Variants in NRXN2 observed in about 807,000 individuals in gnomAD.
NRXN2 encodes the protein neurexin 2, also known as neurexin-2-beta.
Under a neutral mutation model 128.8 loss-of-function variants are expected in NRXN2, and 29 were observed. The ratio of observed to expected loss-of-function variants is 0.23; its 90% confidence interval spans 0.17 to 0.31. The LOEUF (loss-of-function observed/expected upper bound fraction) is 0.31, where lower values mean the gene tolerates loss of function less well. Ranked by LOEUF, NRXN2 falls within the 10% of genes least tolerant of loss-of-function variation. The probability of loss-of-function intolerance (pLI) is 1.00; values close to 1 mark genes in which losing one functional copy is unlikely to be tolerated. For missense variants in NRXN2, 1,881 were observed against 2,452.6 expected, an observed-to-expected ratio of 0.77 and a Z score of 4.92; for synonymous variants, 1,098 against 1,075.2, an observed-to-expected ratio of 1.02 and a Z score of -0.41.
In NRXN2 at chr11:64,651,553, C is replaced by A; in HGVS notation, c.2620G>T (p.Val874Leu). ...IMTERRFISVVPSNFIGHLSG... is the reference protein window; with the variant it reads ...IMTERRFISVLPSNFIGHLSG... ...AGATGCCCGATGAAGTTGGAGGGCA[C>A]CACGGAGATAAACCGCCGCTCCGTC... The change falls in exon 14 of 23, where the codon GTG (valine) becomes TTG (leucine). Residue 874 changes from valine to leucine, a missense_variant. This residue lies in a region of NRXN2 where 390 missense variants were observed against 599.6 expected (regional missense o/e 0.65). Coordinates refer to ENST00000265459, the MANE Select transcript of NRXN2 (RefSeq NM_015080.4). The surrounding 1 kb of genome is among the most constrained non-coding windows in gnomAD (Gnocchi z 5.9). 1 of 1,614,146 alleles carries A rather than the reference C, an allele frequency of 6.2e-7. No individual in the cohort carries two copies.
chr11:64,701,186 A>G (rs967871900), intron 2 of NRXN2, among the ~76,000 whole-genome samples: 1 of 151,946 alleles, frequency 6.6e-6, no homozygotes, highest in Admixed American at 6.6e-5. Flanking sequence ...AAAGTGGTCC[A>G]CTCCAACCAT....
At chr11:64,643,564 A>AGAGGGAGAGAGGGAGAGAGG (rs2046135017) in intron 17 of NRXN2, 2 of 112,880 alleles carry the variant, frequency 1.8e-5, no homozygotes, top group Non-Finnish European at 3.7e-5. Context: ...AGGGAGGGAG[A>AGAGGGAGAGAGGGAGAGAGG]GAGGGAGAGA....
intron 2 of NRXN2, among the ~76,000 whole-genome samples, chr11:64,711,908 G>A (rs2056933775): frequency 6.6e-6 from 1 of 152,188 alleles, no homozygotes; most frequent in Admixed American, 6.5e-5. Context: ...CCTGGCCACA[G>A]CCTCGCAATC....
rs2044513782 is a variant in NRXN2, at chr11:64,635,151, G to A, written c.3585+120C>T. 2 of 1,131,110 alleles carry A rather than the reference G, an allele frequency of 1.8e-6. No individual in the cohort carries two copies. The highest frequency in any genetic ancestry group is 2.6e-6 in the Non-Finnish European group (2 of 757,974). The allele number at this position is 1,131,110 out of a possible 1,614,324, so 70.1% of individuals were successfully genotyped here. A position where few individuals can be genotyped will look rare whatever the true frequency, so the allele number is the denominator to read the frequency against. On this transcript the variant is annotated intron_variant, in intron 18 of 22. Transcript: ENST00000265459. This position sits in a 1 kb window ranked among gnomAD's most constrained non-coding sequence, Gnocchi z 4.8. Reference sequence around the variant, plus strand: ...AGGAAGCTCCAGCAATGAGGGAACAGAGGTTCTGAGGGTTCCCCATGAGGG... The same window carrying A: ...AGGAAGCTCCAGCAATGAGGGAACAAAGGTTCTGAGGGTTCCCCATGAGGG...
chr11:64,679,377 C>T (rs1208103830), intron 6 of NRXN2, among the ~76,000 whole-genome samples: 1 of 152,128 alleles, frequency 6.6e-6, no homozygotes, highest in Non-Finnish European at 1.5e-5. Context: ...GTGGGTCACA[C>T]CTGTAATCCC....
chr11:64,655,515 G>A (rs7931171), intron 11 of NRXN2, among the ~76,000 whole-genome samples: 1,806 of 152,134 alleles, frequency 0.012, 18 homozygotes, highest in Middle Eastern at 0.031. Context: ...GCTCTCTCGG[G>A]GCCAGCAGAG....
intron 3 of NRXN2, among the ~76,000 whole-genome samples, chr11:64,695,273 C>T (rs2135596028): frequency 6.6e-6 from 1 of 152,326 alleles, no homozygotes; most frequent in African/African-American, 2.4e-5. Flanking sequence ...TGATGGATGG[C>T]ATTGCCATGG....
chr11:64,698,907 A>G (rs1481406686), intron 2 of NRXN2, among the ~76,000 whole-genome samples: 2 of 152,238 alleles, frequency 1.3e-5, no homozygotes, highest in African/African-American at 4.8e-5. Context: ...ATGAAGCAAT[A>G]GGCAGGAGGG....
intron 7 of NRXN2, among the ~76,000 whole-genome samples, chr11:64,669,351 G>A (rs1237042837): frequency 2.0e-5 from 3 of 152,136 alleles, no homozygotes; most frequent in South Asian, 2.1e-4. Context: ...AAGGAGAGGG[G>A]AGCCCTTTAG....
intron 17 of NRXN2, among the ~76,000 whole-genome samples, chr11:64,638,614 C>T (rs1245563214): frequency 2.0e-5 from 3 of 152,226 alleles, no homozygotes; most frequent in African/African-American, 7.2e-5. Context: ...ACCTGACAGG[C>T]TCCAGAAAGG....
chr11:64,668,861 G>T (rs2050245464), intron 7 of NRXN2, among the ~76,000 whole-genome samples: 1 of 152,154 alleles, frequency 6.6e-6, no homozygotes, highest in Non-Finnish European at 1.5e-5. Flanking sequence ...GAGCCTGAAG[G>T]GTACTTGGAG....
intron 1 of NRXN2, among the ~76,000 whole-genome samples, chr11:64,719,559 C>T (rs781494125): frequency 1.3e-5 from 2 of 152,104 alleles, no homozygotes; most frequent in South Asian, 2.1e-4. Context: ...GCTGGTAGCT[C>T]GGGGTGCACA....
In NRXN2 at chr11:64,635,207, AG is replaced by A; in HGVS notation, c.3585+63del. ...TTGAGGTGCTGATCCCATGGCAATG[AG>A]GGGCTGAACTGATTTGGGAGCAGGA... On this transcript the variant is annotated intron_variant, in intron 18 of 22. Coordinates refer to ENST00000265459, the MANE Select transcript of NRXN2 (RefSeq NM_015080.4). The surrounding 1 kb of genome is among the most constrained non-coding windows in gnomAD (Gnocchi z 4.8). 1.3e-6 allele frequency: 2 copies of A among 1,577,872 alleles called. No individual in the cohort carries two copies. The highest frequency in any genetic ancestry group is 1.7e-6 in the Non-Finnish European group (2 of 1,150,076).
rs573545 is a variant in NRXN2, at chr11:64,667,876, C to T, written c.1360-188G>A. Among the ~76,000 whole-genome samples, 9,485 of 151,932 alleles carry T rather than the reference C, an allele frequency of 0.062. 1,006 individuals carry two copies. The highest frequency in any genetic ancestry group is 0.22 in the African/African-American group (8,961 of 41,210). On this transcript the variant is annotated intron_variant, in intron 8 of 22. Coordinates refer to ENST00000265459, the MANE Select transcript of NRXN2 (RefSeq NM_015080.4). This position sits in a 1 kb window ranked among gnomAD's most constrained non-coding sequence, Gnocchi z 5.6. ...CACAGAGGCTGTGAACAAGCACCTC[C>T]CTTGCCCGTCCTCTGTCCTGTCTTC...
intron 12 of NRXN2, among the ~76,000 whole-genome samples, chr11:64,652,464 G>A (rs2047607301): frequency 6.6e-6 from 1 of 152,114 alleles, no homozygotes; most frequent in South Asian, 2.1e-4. Flanking sequence ...AGTGAATGGT[G>A]CCTCTGGAGT....
At chr11:64,695,049 C>T (rs1206440527) in intron 3 of NRXN2, among the ~76,000 whole-genome samples, 1 of 152,222 alleles carries the variant, frequency 6.6e-6, no homozygotes, top group Non-Finnish European at 1.5e-5. Context: ...GTGACAGCAC[C>T]AGCCATCTTG....
At chr11:64,701,077 C>T (rs896727415) in intron 2 of NRXN2, among the ~76,000 whole-genome samples, 2 of 152,194 alleles carry the variant, frequency 1.3e-5, no homozygotes, top group Admixed American at 6.5e-5. Flanking sequence ...TGAGGCCAGG[C>T]CCTGATCAGT....
Position 64,606,999 on chromosome 11 carries a change from G to C in NRXN2, c.*197C>G, listed in dbSNP as rs1396130409. ...AGGGACAGTCAGCCCCGGGACTGAC[G>C]AGGCCGCGCAGTGGACGGCAGGAGG... On this transcript the variant is annotated 3_prime_UTR_variant, in exon 23 of 23. Coordinates refer to ENST00000265459, the MANE Select transcript of NRXN2 (RefSeq NM_015080.4). 3.3e-6 allele frequency: 2 copies of C among 614,206 alleles called. No individual in the cohort carries two copies. Among genetic ancestry groups the C allele is most frequent in the South Asian group, 2.0e-5 (1 of 49,080 alleles). 38.0% of individuals were successfully genotyped at this position (614,206 alleles called of 1,614,324 possible). A position where few individuals can be genotyped will look rare whatever the true frequency, so the allele number is the denominator to read the frequency against.
chr11:64,653,987 C>T lies in NRXN2; in HGVS notation c.2390-265G>A, dbSNP rs2047888598. Among the ~76,000 whole-genome samples, 2 of 152,188 alleles carry T rather than the reference C, an allele frequency of 1.3e-5. 1 individual carries two copies. The highest frequency in any genetic ancestry group is 4.1e-4 in the South Asian group (2 of 4,832). On this transcript the variant is annotated intron_variant, in intron 11 of 22. Transcript: ENST00000265459. ...TGGGAAGAGGGCTTGTGGCCCCCTT[C>T]TTAGAGGGTACCAGGCCTCTAGTGT...
Sources: gnomAD v4.1 joint callset for allele counts (sites outside exome capture counted in the v4.1 genomes callset) on GRCh38, gnomAD v4.1.1 for gene constraint, gnomAD v4.1.1 regional missense constraint, Gnocchi (gnomAD v3.1) non-coding constraint, MANE v1.5 for transcripts, NCBI Gene and HGNC (gene_info 2026-07-23, HGNC 2026-07-21) for gene names.